The following AATF variants were observed in gnomAD, a reference collection of about 807,000 sequenced individuals.
AATF encodes protein AATF.
Under a neutral mutation model 63.7 loss-of-function variants are expected in AATF, and 48 were observed. The ratio of observed to expected loss-of-function variants is 0.75; its 90% CI spans 0.60 to 0.96. The LOEUF (loss-of-function observed/expected upper bound fraction) is 0.96. AATF is among the 40% of genes least tolerant of loss of function. The pLI is 0.00. For missense variants in AATF, 639 were observed against 685.7 expected, an observed-to-expected ratio of 0.93 and a Z score of 0.76; for synonymous variants, 258 against 247.7, an observed-to-expected ratio of 1.04 and a Z score of -0.39.
intron 11 of AATF, chr17:37,056,245 C>A: frequency 5.0e-6 from 1 of 201,684 alleles, no homozygotes; most frequent in Non-Finnish European, 1.0e-5. Context: ...TTATATCCCC[C>A]TACATCCCAT....
Position 36,990,807 on chromosome 17 carries a change from C to A in AATF, c.1348C>A (p.Leu450Met), listed in dbSNP as rs1022029256. The A allele has an allele frequency of 6.3e-7, 1 of 1,593,884 alleles. No homozygotes were observed. The highest frequency in any genetic ancestry group is 8.5e-7 in the Non-Finnish European group (1 of 1,173,132). The change falls in exon 8 of 12, where the codon CTG (leucine) becomes ATG (methionine). Residue 450 changes from leucine to methionine, a missense_variant. By Grantham distance (15) the Leu-to-Met change is conservative. Coordinates refer to ENST00000619387, the MANE Select transcript of AATF (RefSeq NM_012138.4). The stretch of plus-strand genomic sequence containing the variant: ...TCCTCAAGCCCCTGCTAATGCTCAT[C>A]TGAAGGACTTGGATGAAGAAATCTT... Reference protein sequence around the residue: ...ILPQAPANAHLKDLDEEIFDD... With the variant: ...ILPQAPANAHMKDLDEEIFDD...
chr17:36,957,065 A>G (rs534741741), intron 4 of AATF, among the ~76,000 whole-genome samples: 59 of 152,264 alleles, frequency 3.9e-4, no homozygotes, highest in African/African-American at 1.3e-3. Flanking sequence ...GCTGGTGTGG[A>G]ACATAGGCTG....
chr17:37,013,624 G>A (rs1266786832), intron 8 of AATF, among the ~76,000 whole-genome samples: 2 of 132,880 alleles, frequency 1.5e-5, no homozygotes, highest in African/African-American at 3.8e-5. Flanking sequence ...ACCAAGGGAG[G>A]ACTTCATCTA....
intron 8 of AATF, among the ~76,000 whole-genome samples, chr17:37,008,621 T>TG (rs1350098822): frequency 6.6e-6 from 1 of 152,126 alleles, no homozygotes; most frequent in African/African-American, 2.4e-5. Context: ...CCCAGCAGTG[T>TG]GGGGGGCTGA....
chr17:37,049,006 C>T (rs1369848668), intron 11 of AATF, among the ~76,000 whole-genome samples: 1 of 152,130 alleles, frequency 6.6e-6, no homozygotes, highest in Non-Finnish European at 1.5e-5. Flanking sequence ...TTCTCATGAT[C>T]ATAGATGACG....
rs374930409 is a variant in AATF, at chr17:37,010,614, A to G, written c.1399-8391A>G. On this transcript the variant is annotated intron_variant, in intron 8 of 11. Transcript: ENST00000619387. The stretch of plus-strand genomic sequence containing the variant: ...GGGGAGGAGGTAGACGTTATCAAGG[A>G]GTCCATGAGTACAGTGTACAGTAAG... 8.7e-4 allele frequency among the ~76,000 whole-genome samples: 133 copies of G among 152,298 alleles called. 4 individuals carry two copies. The South Asian group carries it at 0.013, about 15-fold the overall frequency.
rs1158777131 is a variant in AATF, at chr17:36,950,521, CAG to C, written c.283+119_283+120del. Reference sequence around the variant, plus strand: ...TAGTCTGCGGATCTTTTTTTTGAGACAGAGTTTGGCTCTTGTTGCCCAGGCTG... The same window carrying C: ...TAGTCTGCGGATCTTTTTTTTGAGACAGTTTGGCTCTTGTTGCCCAGGCTG... On this transcript the variant is annotated intron_variant, in intron 2 of 11. Transcript: ENST00000619387. 15 of 1,086,050 alleles carry C rather than the reference CAG, an allele frequency of 1.4e-5. No homozygotes were observed. In the South Asian group the frequency reaches 2.4e-4, roughly 17 times the overall value. 67.3% of individuals were successfully genotyped at this position (1,086,050 alleles called of 1,614,324 possible). A position where few individuals can be genotyped will look rare whatever the true frequency, so the allele number is the denominator to read the frequency against.
intron 4 of AATF, among the ~76,000 whole-genome samples, chr17:36,979,095 C>T (rs1419360148): frequency 6.6e-6 from 1 of 151,964 alleles, no homozygotes; most frequent in East Asian, 1.9e-4. Flanking sequence ...TTTTTTAAAA[C>T]ACTAGCAAGT....
chr17:36,989,120 A>T, intron 6 of AATF, 127 bp from the exon 7 acceptor site: 1 of 1,125,940 alleles, frequency 8.9e-7, no homozygotes, highest in Non-Finnish European at 1.2e-6. Context: ...TCAGTCCTTT[A>T]CAGAAAGTCC....
In AATF at chr17:36,989,342, T is replaced by A; in HGVS notation, c.1245T>A (p.Ser415=). The change falls in exon 7 of 12, where the codon TCT becomes TCA. Residue 415 remains serine, a synonymous_variant. Transcript: ENST00000619387. ...RLLRRTQTKR[S]VYRVLGKPEP... The stretch of plus-strand genomic sequence containing the variant: ...TTCGAAGGACACAGACCAAGCGCTC[T>A]GTCTATCGAGTTCTTGGCAAACCTG... 6.2e-7 allele frequency: 1 copy of A among 1,613,932 alleles called. No individual in the cohort carries two copies. Among genetic ancestry groups the A allele is most frequent in the Non-Finnish European group, 8.5e-7 (1 of 1,179,928 alleles).
intron 8 of AATF, among the ~76,000 whole-genome samples, chr17:37,015,610 C>G (rs2071423323): frequency 6.6e-6 from 1 of 152,230 alleles, no homozygotes; most frequent in Admixed American, 6.5e-5. Flanking sequence ...CCTTCCAATA[C>G]TGTTGCATTG....
intron 8 of AATF, among the ~76,000 whole-genome samples, chr17:37,017,846 TAGAA>T (rs1157178879): frequency 1.3e-5 from 2 of 152,224 alleles, no homozygotes; most frequent in African/African-American, 4.8e-5. Context: ...CATATGAAAT[TAGAA>T]AGAGATCTGC....
At chr17:36,985,971 A>C (rs34276583) in intron 4 of AATF, among the ~76,000 whole-genome samples, 6 of 152,190 alleles carry the variant, frequency 3.9e-5, no homozygotes, top group African/African-American at 1.4e-4. Flanking sequence ...TCAATGCCCA[A>C]ATTTTTAATA....
rs185077995 is a variant in AATF at position 36,990,737 on chromosome 17, T to C, written c.1315-37T>C. 689 of 1,314,348 alleles carry C rather than the reference T, an allele frequency of 5.2e-4. 4 individuals carry two copies. The African/African-American group carries it at 9.0e-3, about 17-fold the overall frequency. 81.4% of individuals were successfully genotyped at this position (1,314,348 alleles called of 1,614,324 possible). ...TAGCTACATTAGTTAGATAGCCTTG[T>C]TGGGATTCACTCTTTTCTTACTCAT... is the stretch of plus-strand genomic sequence containing the variant. On this transcript the variant is annotated intron_variant, in intron 7 of 11. Transcript: ENST00000619387.
chr17:36,994,161 AT>A (rs765103554), intron 8 of AATF, among the ~76,000 whole-genome samples: 57 of 152,310 alleles, frequency 3.7e-4, no homozygotes, highest in Admixed American at 6.5e-4. Context: ...CTGACATCAT[AT>A]AGTAAATGGC....
rs535415806 is a variant in AATF at position 36,956,532 on chromosome 17, G to A, written c.832+2625G>A. 2.0e-4 allele frequency among the ~76,000 whole-genome samples: 31 copies of A among 152,134 alleles called. 1 individual carries two copies. Among genetic ancestry groups the A allele is most frequent in the South Asian group, 8.3e-4 (4 of 4,828 alleles). ...TACTGAAAATACAAAAATTAGCCAA[G>A]TGTGGTGGCAGGTGCCTGTAATCTC... is the stretch of plus-strand genomic sequence containing the variant. On this transcript the variant is annotated intron_variant, in intron 4 of 11. Transcript: ENST00000619387.
At chr17:37,035,213 G>T (rs1459197934) in intron 11 of AATF, among the ~76,000 whole-genome samples, 1 of 151,744 alleles carries the variant, frequency 6.6e-6, no homozygotes, top group Non-Finnish European at 1.5e-5. Flanking sequence ...AATATAATGA[G>T]ATTTCTTTTT....
chr17:36,990,313 A>T (rs2071203676), intron 7 of AATF, among the ~76,000 whole-genome samples: 1 of 152,214 alleles, frequency 6.6e-6, no homozygotes, highest in African/African-American at 2.4e-5. Flanking sequence ...TTATGCAAAC[A>T]ATGGATATTA....
At chr17:37,002,421 A>C (rs2071306304) in intron 8 of AATF, among the ~76,000 whole-genome samples, 1 of 152,000 alleles carries the variant, frequency 6.6e-6, no homozygotes. Context: ...TAATCCCAGC[A>C]CTTTGGGAGG....
Sources: allele counts gnomAD v4.1 joint callset (sites outside exome capture counted in the v4.1 genomes callset), GRCh38; gene constraint gnomAD v4.1.1; transcripts MANE v1.5; gene names NCBI Gene and HGNC (gene_info 2026-07-23, HGNC 2026-07-21).